CYB5D2: variants seen among roughly 807,000 people sequenced by gnomAD.
CYB5D2 encodes neuferricin.
A neutral mutation model predicts 22.8 loss-of-function variants in CYB5D2; 23 were observed. The observed-to-expected ratio is 1.01, with a 90% CI of 0.73 to 1.43. The LOEUF is 1.43. Among genes scored for constraint, CYB5D2 ranks in the 40% most tolerant of loss-of-function variants. The pLI, the probability that CYB5D2 is intolerant of heterozygous loss-of-function variation, is 0.00. For synonymous variants in CYB5D2, 170 were observed against 152.2 expected (o/e 1.12, Z -0.86); for missense variants, 373 against 357.2 (o/e 1.04, Z -0.36).
At chr17:4,150,364 G>A (rs1470780218) in intron 2 of CYB5D2, among the ~76,000 whole-genome samples, 1 of 152,190 alleles carries the variant, frequency 6.6e-6, no homozygotes, top group Non-Finnish European at 1.5e-5. Context: ...TCTGGCTTCA[G>A]CACACAGCCA....
chr17:4,156,951 ACCACCGGCC>A lies in CYB5D2; in HGVS notation c.667_675del (p.Thr223_Pro225del), dbSNP rs755037326. On this transcript the variant is annotated inframe_deletion, in exon 4 of 4. Coordinates refer to ENST00000301391, the MANE Select transcript of CYB5D2 (RefSeq NM_144611.4). ...GGAGCCCCGCTGCGTGTGTGTGAGA[ACCACCGGCC>A]CCCCTAGTGGCCAGATGCCGGACAA... 1.2e-6 allele frequency: 2 copies of A among 1,612,780 alleles called. No homozygotes were observed. The highest frequency in any genetic ancestry group is 1.7e-6 in the Non-Finnish European group (2 of 1,180,000).
intron 1 of CYB5D2, among the ~76,000 whole-genome samples, chr17:4,144,664 G>C (rs1357099561): frequency 6.6e-6 from 1 of 152,184 alleles, no homozygotes; most frequent in Non-Finnish European, 1.5e-5. Flanking sequence ...TAGGCCTCAA[G>C]AAACATTTGT....
chr17:4,157,175 G>A lies in CYB5D2; in HGVS notation c.*93G>A, dbSNP rs552030006. Reference sequence around the variant, plus strand: ...TGTGTGCCCTGGGATGCCTCCTGGCGCGAATCAGGAGGGTCTGGAAGGACT... The same window carrying A: ...TGTGTGCCCTGGGATGCCTCCTGGCACGAATCAGGAGGGTCTGGAAGGACT... On this transcript the variant is annotated 3_prime_UTR_variant, in exon 4 of 4. Transcript: ENST00000301391. The surrounding 1 kb of genome is among the most constrained non-coding windows in gnomAD (Gnocchi z 4.4). The A allele has an allele frequency of 1.8e-5, 25 of 1,391,082 alleles. No individual in the cohort carries two copies. The highest frequency in any genetic ancestry group is 1.5e-4 in the South Asian group (12 of 78,578). 86.2% of individuals were successfully genotyped at this position (1,391,082 alleles called of 1,614,324 possible). A position where few individuals can be genotyped will look rare whatever the true frequency, so the allele number is the denominator to read the frequency against.
At chr17:4,148,401 C>T (rs987989279) in intron 1 of CYB5D2, among the ~76,000 whole-genome samples, 4 of 151,890 alleles carry the variant, frequency 2.6e-5, no homozygotes, top group African/African-American at 4.8e-5. Context: ...CCTGTAGTCC[C>T]AGCTACTCAG....
chr17:4,151,295 C>T (rs760796662), intron 2 of CYB5D2, among the ~76,000 whole-genome samples: 12 of 152,264 alleles, frequency 7.9e-5, no homozygotes, highest in African/African-American at 2.2e-4. Context: ...CTCTACTCAC[C>T]TGCGCTTCAG....
intron 1 of CYB5D2, among the ~76,000 whole-genome samples, chr17:4,145,462 T>TCGTTG (rs1267115942): frequency 6.6e-6 from 1 of 152,242 alleles, no homozygotes; most frequent in Non-Finnish European, 1.5e-5. Flanking sequence ...AAGGCAGTTT[T>TCGTTG]CGTTGCGCTG....
chr17:4,148,639 C>T (rs1483521782), intron 1 of CYB5D2, among the ~76,000 whole-genome samples: 1 of 151,700 alleles, frequency 6.6e-6, no homozygotes, highest in East Asian at 1.9e-4. Flanking sequence ...AGGAGTTCCA[C>T]ACCAGCCTGG....
rs777919651 is a variant in CYB5D2, at chr17:4,143,707, T to C, written c.-49T>C. On this transcript the variant is annotated 5_prime_UTR_variant, in exon 1 of 4. Transcript: ENST00000301391. ...CTCGGCGTCTCGGCCATCTTAGCTG[T>C]AGATAGAGGCGGCAACCTCGGAAGT... is the stretch of plus-strand genomic sequence containing the variant. The C allele has an allele frequency of 5.1e-6, 8 of 1,564,214 alleles. No homozygotes were observed. Among genetic ancestry groups the C allele is most frequent in the Middle Eastern group, 2.1e-4 (1 of 4,712 alleles).
chr17:4,146,962 A>G (rs1302577775), intron 1 of CYB5D2, among the ~76,000 whole-genome samples: 1 of 152,164 alleles, frequency 6.6e-6, no homozygotes, highest in African/African-American at 2.4e-5. Flanking sequence ...GTAGCAGTGC[A>G]TTATTCCTTT....
intron 3 of CYB5D2, among the ~76,000 whole-genome samples, chr17:4,156,501 C>G (rs2059113896): frequency 6.6e-6 from 1 of 152,268 alleles, no homozygotes. Context: ...CAGTCGCACC[C>G]AGACACTGCT....
chr17:4,156,830 T>C (rs762362012), intron 3 of CYB5D2, 36 bp from the exon 4 acceptor site: 2 of 1,608,086 alleles, frequency 1.2e-6, no homozygotes, highest in Non-Finnish European at 1.7e-6. Context: ...TCATGAGTTC[T>C]CACATTTAAG....
rs758750553 is a variant in CYB5D2, at chr17:4,149,971, G to T, written c.331G>T (p.Ala111Ser). Reference protein sequence around the residue: ...LVDDVSDLSAAEMLTLHNWLS... With the variant: ...LVDDVSDLSASEMLTLHNWLS... ...GGATGACGTATCCGACCTGTCAGCCGCTGAGATGCTGACACTTCACAATTG... is the reference window on the plus strand; with the variant it reads ...GGATGACGTATCCGACCTGTCAGCCTCTGAGATGCTGACACTTCACAATTG... Residue 111 changes from alanine to serine, a missense_variant, in exon 2 of 4, where the codon GCT becomes TCT. Ala to Ser is a moderately conservative substitution (Grantham distance 99, BLOSUM62 1). Coordinates refer to ENST00000301391, the MANE Select transcript of CYB5D2 (RefSeq NM_144611.4). 1 of 1,613,996 alleles carries T rather than the reference G, an allele frequency of 6.2e-7. No homozygotes were observed. Among genetic ancestry groups the T allele is most frequent in the Admixed American group, 1.7e-5 (1 of 60,012 alleles).
intron 1 of CYB5D2, among the ~76,000 whole-genome samples, chr17:4,146,286 G>A (rs1352535682): frequency 6.6e-6 from 1 of 151,980 alleles, no homozygotes; most frequent in Non-Finnish European, 1.5e-5. Flanking sequence ...ATAGAGATGG[G>A]GTTTTGCCAT....
chr17:4,155,009 C>T (rs927277497), intron 3 of CYB5D2, 149 bp downstream of exon 3: 4 of 879,730 alleles, frequency 4.5e-6, no homozygotes, highest in Non-Finnish European at 5.0e-6. Context: ...ACTTTGGCTG[C>T]ATATTAGATC....
chr17:4,149,249 G>A (rs910124346), intron 1 of CYB5D2, among the ~76,000 whole-genome samples: 12 of 152,180 alleles, frequency 7.9e-5, no homozygotes, highest in Admixed American at 3.3e-4. Context: ...CCACAGGTGT[G>A]GATGAGATTG....
chr17:4,150,522 GATGCTAC>G (rs1484470741), intron 2 of CYB5D2, among the ~76,000 whole-genome samples: 2 of 152,166 alleles, frequency 1.3e-5, no homozygotes, highest in Non-Finnish European at 1.5e-5. Flanking sequence ...GCTACTTACT[GATGCTAC>G]ATAAGGGACT....
chr17:4,157,210 T>C lies in CYB5D2; in HGVS notation c.*128T>C, dbSNP rs2059122190. ...AGGGTCTGGAAGGACTCTGGCTATA[T>C]TCTGCAAATGTGGCTCATGCCCCTT... On this transcript the variant is annotated 3_prime_UTR_variant, in exon 4 of 4. Coordinates refer to ENST00000301391, the MANE Select transcript of CYB5D2 (RefSeq NM_144611.4). This position sits in a 1 kb window ranked among gnomAD's most constrained non-coding sequence, Gnocchi z 4.4. The C allele has an allele frequency of 9.1e-7, 1 of 1,099,380 alleles. No homozygotes were observed. The highest frequency in any genetic ancestry group is 1.6e-5 in the African/African-American group (1 of 63,740). The allele number at this position is 1,099,380 out of a possible 1,614,324, so 68.1% of individuals were successfully genotyped here.
chr17:4,151,939 G>A (rs1255866297), intron 2 of CYB5D2, among the ~76,000 whole-genome samples: 4 of 151,774 alleles, frequency 2.6e-5, no homozygotes, highest in Non-Finnish European at 5.9e-5. Context: ...CTGGAAGGCA[G>A]AGGTTGCGAT....
At chr17:4,154,882 T>C in intron 3 of CYB5D2, 22 bp downstream of exon 3, 1 of 1,601,234 alleles carries the variant, frequency 6.2e-7, no homozygotes, top group Non-Finnish European at 8.5e-7. Context: ...CCCCTTCTTC[T>C]CCTTTCTGCC....
Sources: allele counts gnomAD v4.1 joint callset (sites outside exome capture counted in the v4.1 genomes callset), GRCh38; gene constraint gnomAD v4.1.1; non-coding constraint Gnocchi (gnomAD v3.1); transcripts MANE v1.5; gene names NCBI Gene and HGNC (gene_info 2026-07-23, HGNC 2026-07-21).